The following HIF3A variants were observed in gnomAD, a reference collection of about 807,000 sequenced individuals.
HIF3A encodes hypoxia inducible factor 3 subunit alpha, also known as hypoxia-inducible factor 3-alpha.
A neutral mutation model predicts 67.2 loss-of-function variants in HIF3A; 41 were observed. The ratio of observed to expected loss-of-function variants is 0.61; its 90% CI spans 0.48 to 0.79. The LOEUF is 0.79. Among genes scored for constraint, HIF3A ranks in the 30% least tolerant of loss-of-function variants. The pLI, the probability that HIF3A is intolerant of heterozygous loss-of-function variation, is 0.00. For synonymous variants in HIF3A, 356 were observed against 374.8 expected, an observed-to-expected ratio of 0.95 and a Z score of 0.58; for missense variants, 855 against 898.0, an observed-to-expected ratio of 0.95 and a Z score of 0.61.
chr19:46,297,108 G>A lies in HIF3A; in HGVS notation c.26+6G>A. The A allele has an allele frequency of 8.0e-7, 1 of 1,250,462 alleles. No homozygotes were observed. Among genetic ancestry groups the A allele is most frequent in the Non-Finnish European group, 1.0e-6 (1 of 981,324 alleles). 77.5% of individuals were successfully genotyped at this position (1,250,462 alleles called of 1,614,324 possible). A position where few individuals can be genotyped will look rare whatever the true frequency, so the allele number is the denominator to read the frequency against. ...CTGGGGCTGCAGCGCGCAAGGTACTGAAGTTCGGGGGCAGGAGTTCTGGGA... is the reference window on the plus strand; with the variant it reads ...CTGGGGCTGCAGCGCGCAAGGTACTAAAGTTCGGGGGCAGGAGTTCTGGGA... On this transcript the variant is annotated splice_donor_region_variant and intron_variant, in intron 1 of 14. Coordinates refer to ENST00000377670, the MANE Select transcript of HIF3A (RefSeq NM_152795.4). This position sits in a 1 kb window ranked among gnomAD's most constrained non-coding sequence, Gnocchi z 4.5.
intron 10 of HIF3A, 68 bp from the exon 11 acceptor site, chr19:46,325,467 A>C (rs960197081): frequency 9.1e-6 from 10 of 1,098,762 alleles, no homozygotes; most frequent in Non-Finnish European, 1.4e-6. Flanking sequence ...CTTGAGCTGC[A>C]GACTGTCTTA....
In HIF3A at chr19:46,320,457, C is replaced by T; in HGVS notation, c.1040C>T (p.Thr347Ile). The T allele has an allele frequency of 4.3e-6, 7 of 1,614,010 alleles. No individual in the cohort carries two copies. Among genetic ancestry groups the T allele is most frequent in the Non-Finnish European group, 5.9e-6 (7 of 1,179,892 alleles). Reference sequence around the variant, plus strand: ...TTGTACCCCAGCCAGGTGGAAGAGACCGGAGTGGTGCTGTCCCTGGAGCAA... The same window carrying T: ...TTGTACCCCAGCCAGGTGGAAGAGATCGGAGTGGTGCTGTCCCTGGAGCAA... ...VHFLISQVEETGVVLSLEQTE... is the reference protein window; with the variant it reads ...VHFLISQVEEIGVVLSLEQTE... Residue 347 changes from threonine to isoleucine, a missense_variant, in exon 9 of 15, where the codon ACC becomes ATC. Thr to Ile is a moderately conservative substitution (Grantham distance 89, BLOSUM62 -1). Around this residue, in one of 3 missense-constraint regions of HIF3A, gnomAD observed 638 missense variants for 660.5 expected, o/e 0.97. Coordinates refer to ENST00000377670, the MANE Select transcript of HIF3A (RefSeq NM_152795.4).
rs748644050 is a variant in HIF3A at position 46,297,069 on chromosome 19, G to A, written c.-8G>A. 3 of 1,307,438 alleles carry A rather than the reference G, an allele frequency of 2.3e-6. No individual in the cohort carries two copies. The highest frequency in any genetic ancestry group is 2.9e-6 in the Non-Finnish European group (3 of 1,018,594). 81.0% of individuals were successfully genotyped at this position (1,307,438 alleles called of 1,614,324 possible). ...CTCCGAGGGCTCCGGAGCGGCGACTGGCGAGCCATGGCGCTGGGGCTGCAG... is the reference window on the plus strand; with the variant it reads ...CTCCGAGGGCTCCGGAGCGGCGACTAGCGAGCCATGGCGCTGGGGCTGCAG... On this transcript the variant is annotated 5_prime_UTR_variant, in exon 1 of 15. Transcript: ENST00000377670. This position sits in a 1 kb window ranked among gnomAD's most constrained non-coding sequence, Gnocchi z 4.5.
chr19:46,316,865 A>T (rs181355198), intron 8 of HIF3A, among the ~76,000 whole-genome samples: 1 of 152,216 alleles, frequency 6.6e-6, no homozygotes, highest in East Asian at 1.9e-4. Flanking sequence ...CTTATAGGAC[A>T]TGCACCAGTT....
chr19:46,333,508 C>T lies in HIF3A; in HGVS notation c.1831-1397C>T, dbSNP rs78805849. Among the ~76,000 whole-genome samples, 422 of 152,218 alleles carry T rather than the reference C, an allele frequency of 2.8e-3. 3 individuals are homozygous for T. The highest frequency in any genetic ancestry group is 0.01 in the Middle Eastern group (3 of 294). The stretch of plus-strand genomic sequence containing the variant: ...AAATACCCTACCTGCTGGTGTCTCC[C>T]ATGAGCTAACCAACAGGATCACACG... On this transcript the variant is annotated intron_variant, in intron 13 of 14. Coordinates refer to ENST00000377670, the MANE Select transcript of HIF3A (RefSeq NM_152795.4).
At chr19:46,339,109 ATTCCT>A (rs1971829012) in intron 14 of HIF3A, among the ~76,000 whole-genome samples, 1 of 152,064 alleles carries the variant, frequency 6.6e-6, no homozygotes, top group African/African-American at 2.4e-5. Flanking sequence ...ACCAGCTCAC[ATTCCT>A]TTCCTTATTT....
chr19:46,303,094 C>T (rs994064531), intron 1 of HIF3A, among the ~76,000 whole-genome samples: 1 of 152,168 alleles, frequency 6.6e-6, no homozygotes, highest in Non-Finnish European at 1.5e-5. Context: ...TCGGTGTCCT[C>T]ATCTGTTCAA....
At chr19:46,335,709 C>T (rs1225978748) in intron 14 of HIF3A, among the ~76,000 whole-genome samples, 1 of 151,906 alleles carries the variant, frequency 6.6e-6, no homozygotes, top group Non-Finnish European at 1.5e-5. Context: ...GCATTCCAGT[C>T]TGGGCAACAC....
At chr19:46,334,531 G>A (rs146568186) in intron 13 of HIF3A, among the ~76,000 whole-genome samples, 1 of 152,048 alleles carries the variant, frequency 6.6e-6, no homozygotes, top group African/African-American at 2.4e-5. Context: ...CACTGCACTT[G>A]CCCTTATTTT....
chr19:46,325,508 TG>T (rs779568774), intron 10 of HIF3A, 26 bp from the exon 11 acceptor site: 3 of 1,543,382 alleles, frequency 1.9e-6, no homozygotes, highest in Non-Finnish European at 2.7e-6. Flanking sequence ...CAAGATTTCC[TG>T]AAGTTTCTAC....
chr19:46,335,034 G>A (rs760721799), intron 14 of HIF3A, 48 bp downstream of exon 14: 25 of 1,483,668 alleles, frequency 1.7e-5, no homozygotes, highest in African/African-American at 6.9e-5. Context: ...CTTCTCCCCC[G>A]GGAGGTGCGA....
chr19:46,337,484 G>C lies in HIF3A; in HGVS notation c.1913-2041G>C, dbSNP rs149335430. On this transcript the variant is annotated intron_variant, in intron 14 of 14. Coordinates refer to ENST00000377670, the MANE Select transcript of HIF3A (RefSeq NM_152795.4). ...AGGTCTTGCTATGTTGCTCAGGCTG[G>C]TCTCAAACTCCTGGGCTCAAGTGAT... Among the ~76,000 whole-genome samples the C allele has an allele frequency of 5.8e-3, 881 of 152,270 alleles. 5 individuals carry two copies. The highest frequency in any genetic ancestry group is 0.02 in the African/African-American group (835 of 41,550).
At chr19:46,304,290 G>A (rs1968624765) in intron 2 of HIF3A, 1 of 593,738 alleles carries the variant, frequency 1.7e-6, no homozygotes, top group African/African-American at 1.9e-5. Context: ...TGGCCTGCTG[G>A]GAGTCCCGCC....
rs1371168154 is a variant in HIF3A at position 46,320,541 on chromosome 19, C to T, written c.1124C>T (p.Pro375Leu). 4 of 1,613,864 alleles carry T rather than the reference C, an allele frequency of 2.5e-6. No homozygotes were observed. The highest frequency in any genetic ancestry group is 3.4e-6 in the Non-Finnish European group (4 of 1,179,878). Reference protein sequence around the residue: ...QRGAPSQKDTPNPGDSLDTPG... With the variant: ...QRGAPSQKDTLNPGDSLDTPG... Reference sequence around the variant, plus strand: ...GGCGCCCCCTCTCAGAAGGACACCCCTAACCCTGGGGACAGCCTTGGTATG... The same window carrying T: ...GGCGCCCCCTCTCAGAAGGACACCCTTAACCCTGGGGACAGCCTTGGTATG... Residue 375 changes from proline to leucine, a missense_variant, in exon 9 of 15, where the codon CCT becomes CTT. By Grantham distance (98) the Pro-to-Leu change is moderately conservative (BLOSUM62 -3). Around this residue, in one of 3 missense-constraint regions of HIF3A, gnomAD observed 638 missense variants for 660.5 expected, o/e 0.97. Transcript: ENST00000377670.
rs1968595385 is a variant in HIF3A at position 46,304,103 on chromosome 19, CG to C, written c.217+18del. On this transcript the variant is annotated intron_variant, in intron 2 of 14. Coordinates refer to ENST00000377670, the MANE Select transcript of HIF3A (RefSeq NM_152795.4). ...CTGCGCCGCAGGTGAGCCCCGCCCG[CG>C]GGAATTCCCGTCTTGGTCAGGCCCC... The C allele has an allele frequency of 1.3e-6, 2 of 1,546,588 alleles. No individual in the cohort carries two copies. Among genetic ancestry groups the C allele is most frequent in the Non-Finnish European group, 1.7e-6 (2 of 1,147,640 alleles).
At chr19:46,307,220 A>G (rs1010587276) in intron 3 of HIF3A, among the ~76,000 whole-genome samples, 3 of 151,898 alleles carry the variant, frequency 2.0e-5, no homozygotes, top group African/African-American at 7.3e-5. Flanking sequence ...TATTGTTGTT[A>G]TTTGTTCTTT....
rs750310181 is a variant in HIF3A at position 46,309,207 on chromosome 19, A to G, written c.618A>G (p.Pro206=). The stretch of plus-strand genomic sequence containing the variant: ...ACAAGCCACCTGCGCAGACTTCTCC[A>G]GCTGGGAGCCCTGACTCAGAGCCCC... The part of the protein sequence containing the change: ...RAYKPPAQTS[P]AGSPDSEPPL... Residue 206 remains proline (P), a synonymous_variant, in exon 6 of 15, where the codon CCA becomes CCG. Coordinates refer to ENST00000377670, the MANE Select transcript of HIF3A (RefSeq NM_152795.4). 5.6e-6 allele frequency: 9 copies of G among 1,613,974 alleles called. No homozygotes were observed. Among genetic ancestry groups the G allele is most frequent in the Non-Finnish European group, 7.6e-6 (9 of 1,180,002 alleles).
At chr19:46,336,175 G>T (rs1372230870) in intron 14 of HIF3A, among the ~76,000 whole-genome samples, 28 of 139,650 alleles carry the variant, frequency 2.0e-4, no homozygotes. Flanking sequence ...CTCACTGCAG[G>T]CTCTGCCCCC....
chr19:46,308,595 G>A, intron 4 of HIF3A, 68 bp from the exon 5 acceptor site: 1 of 918,300 alleles, frequency 1.1e-6, no homozygotes, highest in South Asian at 1.7e-5. Flanking sequence ...GAGCAGCCAG[G>A]GTGCCGGAGG....
Sources: gnomAD v4.1 joint callset for allele counts (sites outside exome capture counted in the v4.1 genomes callset) on GRCh38, gnomAD v4.1.1 for gene constraint, gnomAD v4.1.1 regional missense constraint, Gnocchi (gnomAD v3.1) non-coding constraint, MANE v1.5 for transcripts, NCBI Gene and HGNC (gene_info 2026-07-23, HGNC 2026-07-21) for gene names.